METRNL: variants seen among roughly 807,000 people sequenced by gnomAD.
METRNL encodes the protein meteorin like, glial cell differentiation regulator.
In METRNL, 9 loss-of-function variants were observed where a neutral mutation model predicts 17.4. The observed-to-expected ratio is 0.52, with a 90% CI of 0.31 to 0.90. METRNL has a LOEUF of 0.90. Among genes scored for constraint, METRNL ranks in the 40% least tolerant of loss-of-function variants. The pLI, the probability that METRNL is intolerant of heterozygous loss-of-function variation, is 0.05. For missense variants in METRNL, 408 were observed against 430.7 expected (o/e 0.95, Z 0.47); for synonymous variants, 215 against 199.3 (o/e 1.08, Z -0.66).
intron 1 of METRNL, among the ~76,000 whole-genome samples, chr17:83,080,486 T>C (rs1281967892): frequency 7.9e-5 from 10 of 127,036 alleles, no homozygotes; most frequent in African/African-American, 3.1e-4. Flanking sequence ...CCGGGCCGAG[T>C]GTGGCTCCGG....
chr17:83,081,119 C>T (rs910759828), intron 1 of METRNL, among the ~76,000 whole-genome samples: 20 of 151,758 alleles, frequency 1.3e-4, no homozygotes, highest in Non-Finnish European at 2.4e-4. Context: ...TGGGCGGTGC[C>T]CGGCTGTCCC....
chr17:83,094,479 G>A lies in METRNL; in HGVS notation c.840G>A (p.Ala280=), dbSNP rs781037757. Reference sequence around the variant, plus strand: ...CTGGCCACATGCACTTCGGGGAGGCGCGGCTCGGCTGTGCCCCACGCTTCA... The same window carrying A: ...CTGGCCACATGCACTTCGGGGAGGCACGGCTCGGCTGTGCCCCACGCTTCA... ...LFTGHMHFGE[A]RLGCAPRFKD... is the part of the protein sequence containing the mutation. Residue 280 remains alanine, a synonymous_variant, in exon 4 of 4, where the codon GCG becomes GCA. Coordinates refer to ENST00000320095, the MANE Select transcript of METRNL (RefSeq NM_001004431.3). 105 of 1,582,866 alleles carry A rather than the reference G, an allele frequency of 6.6e-5. No homozygotes were observed. Among genetic ancestry groups the A allele is most frequent in the Non-Finnish European group, 7.9e-5 (91 of 1,158,384 alleles).
chr17:83,089,768 C>T (rs2038095965), intron 2 of METRNL, among the ~76,000 whole-genome samples: 1 of 152,164 alleles, frequency 6.6e-6, no homozygotes, highest in East Asian at 1.9e-4. Flanking sequence ...CGGCGTCCAC[C>T]CTGCATTCTC....
intron 2 of METRNL, among the ~76,000 whole-genome samples, chr17:83,087,843 G>C (rs1001472238): frequency 1.3e-5 from 2 of 152,154 alleles, no homozygotes; most frequent in Admixed American, 6.5e-5. Flanking sequence ...GAGCTCGTCT[G>C]TGTGTCAGAA....
chr17:83,094,317 C>T lies in METRNL; in HGVS notation c.678C>T (p.His226=), dbSNP rs371101112. 445 of 1,604,380 alleles carry T rather than the reference C, an allele frequency of 2.8e-4. No individual in the cohort carries two copies. Among genetic ancestry groups the T allele is most frequent in the Non-Finnish European group, 3.6e-4 (427 of 1,173,650 alleles). The change falls in exon 4 of 4, where the codon CAC becomes CAT. Residue 226 remains histidine (H), a synonymous_variant. Coordinates refer to ENST00000320095, the MANE Select transcript of METRNL (RefSeq NM_001004431.3). ...CTGAGCGGCAGGACTCAGCCATCCACCTGCGCGTGAGCAGACTCTATCGGC... is the reference window on the plus strand; with the variant it reads ...CTGAGCGGCAGGACTCAGCCATCCATCTGCGCGTGAGCAGACTCTATCGGC... ...HEPERQDSAI[H]LRVSRLYRQK... is the part of the protein sequence containing the mutation.
intron 2 of METRNL, among the ~76,000 whole-genome samples, chr17:83,088,707 C>T (rs1484852627): frequency 6.6e-6 from 1 of 152,100 alleles, no homozygotes; most frequent in East Asian, 1.9e-4. Context: ...GCCTCAACGC[C>T]TCCCCCCTTT....
chr17:83,081,104 G>C (rs2037980993), intron 1 of METRNL, among the ~76,000 whole-genome samples: 1 of 151,804 alleles, frequency 6.6e-6, no homozygotes, highest in Non-Finnish European at 1.5e-5. Flanking sequence ...TCGCCCCGAG[G>C]GCCGTGGGCG....
chr17:83,080,865 C>T (rs1254164243), intron 1 of METRNL, among the ~76,000 whole-genome samples: 8 of 150,990 alleles, frequency 5.3e-5, no homozygotes, highest in Non-Finnish European at 1.0e-4. Flanking sequence ...GCGGCCCCCG[C>T]CCCCGCCCCC....
chr17:83,090,712 C>T (rs953955846), intron 2 of METRNL, among the ~76,000 whole-genome samples: 1 of 151,532 alleles, frequency 6.6e-6, no homozygotes, highest in Non-Finnish European at 1.5e-5. Flanking sequence ...TCAGCCGAGG[C>T]CACCTCCACT....
intron 1 of METRNL, chr17:83,084,637 G>A (rs2038027420): frequency 2.1e-6 from 1 of 475,496 alleles, no homozygotes; most frequent in Admixed American, 3.9e-5. Context: ...GAGTGTTGGA[G>A]GGTGTCTGGA....
intron 1 of METRNL, among the ~76,000 whole-genome samples, chr17:83,083,318 C>T (rs2038011161): frequency 6.6e-6 from 1 of 152,166 alleles, no homozygotes; most frequent in Non-Finnish European, 1.5e-5. Context: ...AGGGAGGCAA[C>T]GTGTCAGGAC....
rs1334972040 is a variant in METRNL, at chr17:83,094,526, G to A, written c.887G>A (p.Arg296Lys). ...PRFKDFQRMY[R>K]DAQERGLNPC... ...TTCAAGGACTTCCAGAGGATGTACA[G>A]GGATGCCCAGGAGAGGGGGCTGAAC... Residue 296 changes from arginine to lysine, a missense_variant, in exon 4 of 4, where the codon AGG becomes AAG. Coordinates refer to ENST00000320095, the MANE Select transcript of METRNL (RefSeq NM_001004431.3). 1 of 1,534,632 alleles carries A rather than the reference G, an allele frequency of 6.5e-7. No homozygotes were observed. Among genetic ancestry groups the A allele is most frequent in the Non-Finnish European group, 8.8e-7 (1 of 1,134,342 alleles).
intron 1 of METRNL, among the ~76,000 whole-genome samples, chr17:83,083,046 T>A (rs1202155788): frequency 6.6e-6 from 1 of 152,178 alleles, no homozygotes; most frequent in African/African-American, 2.4e-5. Context: ...TCTTCTTTCT[T>A]CTGTGTCCAC....
rs1378062217 is a variant in METRNL at position 83,094,595 on chromosome 17, T to A, written c.*20T>A. ...GACTGACTCCGTGGGCCGCTGCCCT[T>A]CCTCTCCTGATGAGTCACAGGCTGC... On this transcript the variant is annotated 3_prime_UTR_variant, in exon 4 of 4. Coordinates refer to ENST00000320095, the MANE Select transcript of METRNL (RefSeq NM_001004431.3). The A allele has an allele frequency of 7.0e-7, 1 of 1,430,850 alleles. No homozygotes were observed. Among genetic ancestry groups the A allele is most frequent in the Non-Finnish European group, 9.2e-7 (1 of 1,087,612 alleles). 88.6% of individuals were successfully genotyped at this position (1,430,850 alleles called of 1,614,324 possible).
chr17:83,089,938 C>A (rs772245056), intron 2 of METRNL, among the ~76,000 whole-genome samples: 2 of 151,960 alleles, frequency 1.3e-5, no homozygotes, highest in Non-Finnish European at 2.9e-5. Flanking sequence ...TGCCGTCAGC[C>A]GGGTGAGCCA....
rs760874384 is a variant in METRNL at position 83,094,237 on chromosome 17, C to T, written c.617-19C>T. The T allele has an allele frequency of 3.9e-6, 6 of 1,545,110 alleles. No individual in the cohort carries two copies. The highest frequency in any genetic ancestry group is 2.5e-5 in the South Asian group (2 of 81,290). ...CTTGCCTTTGCTCACTCCCTGTCCC[C>T]ATCTCCTTCCCCGCACAGCCGTTCG... On this transcript the variant is annotated intron_variant, in intron 3 of 3. Coordinates refer to ENST00000320095, the MANE Select transcript of METRNL (RefSeq NM_001004431.3).
chr17:83,092,992 C>T (rs1320453457), intron 2 of METRNL, among the ~76,000 whole-genome samples, 175 bp from the exon 3 acceptor site: 1 of 152,164 alleles, frequency 6.6e-6, no homozygotes, highest in Non-Finnish European at 1.5e-5. Context: ...CTGCCGGCCC[C>T]TCCAGCACGT....
chr17:83,091,035 T>G (rs2038128631), intron 2 of METRNL, among the ~76,000 whole-genome samples: 1 of 152,300 alleles, frequency 6.6e-6, no homozygotes, highest in East Asian at 1.9e-4. Context: ...GGCTTCCAGC[T>G]TGGGGGTCAG....
At position 83,094,872 on chromosome 17, in the gene METRNL, T is replaced by C; in HGVS notation, c.*297T>C. 3.1e-6 allele frequency: 1 copy of C among 323,676 alleles called. No individual in the cohort carries two copies. The highest frequency in any genetic ancestry group is 5.6e-6 in the Non-Finnish European group (1 of 178,596). 20.1% of individuals were successfully genotyped at this position (323,676 alleles called of 1,614,324 possible). On this transcript the variant is annotated 3_prime_UTR_variant, in exon 4 of 4. Transcript: ENST00000320095. ...ATTCCCGTGTCTTAAAACGCCTTGGTGTGCCGTCTGATACTGTTCTCTAAA... is the reference window on the plus strand; with the variant it reads ...ATTCCCGTGTCTTAAAACGCCTTGGCGTGCCGTCTGATACTGTTCTCTAAA...
Sources: allele counts gnomAD v4.1 joint callset (sites outside exome capture counted in the v4.1 genomes callset), GRCh38; gene constraint gnomAD v4.1.1; transcripts MANE v1.5; gene names NCBI Gene and HGNC (gene_info 2026-07-23, HGNC 2026-07-21).